Variants in RGS5 observed in about 807,000 individuals in gnomAD.
The protein encoded by RGS5 is regulator of G-protein signalling 5.
In RGS5, 20 loss-of-function variants were observed where a neutral mutation model predicts 18.9. The ratio of observed to expected loss-of-function variants is 1.06; its 90% CI spans 0.74 to 1.54. RGS5 has a LOEUF of 1.54. Among genes scored for constraint, RGS5 ranks in the 40% most tolerant of loss-of-function variants. The probability of loss-of-function intolerance (pLI) is 0.00; values close to 1 mark genes in which losing one functional copy is unlikely to be tolerated. For synonymous variants in RGS5, 57 were observed against 76.2 expected (o/e 0.75, Z 1.31); for missense variants, 201 against 211.8 (o/e 0.95, Z 0.32).
chr1:163,203,031 C>A (rs369973091), upstream of RGS5: 15 of 555,160 alleles, frequency 2.7e-5, no homozygotes, highest in African/African-American at 2.5e-4. Context: ...CAGCAGTGGG[C>A]CCTGAGGTGG....
chr1:163,159,324 A>C (rs927506147), intron 3 of RGS5, among the ~76,000 whole-genome samples: 5 of 152,224 alleles, frequency 3.3e-5, no homozygotes, highest in Non-Finnish European at 7.3e-5. Context: ...GGGAAGTGAT[A>C]AGTGTCCATG....
At chr1:163,256,069 C>T (rs1045741928) in intron 2 of RGS5, among the ~76,000 whole-genome samples, 4 of 152,170 alleles carry the variant, frequency 2.6e-5, no homozygotes, top group Admixed American at 2.6e-4. Flanking sequence ...GATGCCCTCT[C>T]TCACCACTCC....
At chr1:163,158,764 G>T (rs1657685435) in intron 3 of RGS5, among the ~76,000 whole-genome samples, 1 of 152,142 alleles carries the variant, frequency 6.6e-6, no homozygotes, top group African/African-American at 2.4e-5. Context: ...GAAGTTTCGG[G>T]CACGCATTGT....
At chr1:163,184,903 C>A (rs967455651) in intron 1 of RGS5, among the ~76,000 whole-genome samples, 3 of 152,176 alleles carry the variant, frequency 2.0e-5, no homozygotes, top group Non-Finnish European at 4.4e-5. Context: ...AGTGACTAAG[C>A]TTGTGGCAAC....
At chr1:163,253,467 C>G (rs1021401165) in intron 2 of RGS5, among the ~76,000 whole-genome samples, 6 of 143,256 alleles carry the variant, frequency 4.2e-5, no homozygotes, top group African/African-American at 1.5e-4. Flanking sequence ...CGCCACCATG[C>G]CCAACTTTTT....
At chr1:163,234,215 C>T (rs1457400093) in intron 2 of RGS5, among the ~76,000 whole-genome samples, 1 of 152,140 alleles carries the variant, frequency 6.6e-6, no homozygotes, top group African/African-American at 2.4e-5. Context: ...ATGTTCTTTA[C>T]CAGATAAAAT....
At chr1:163,193,271 A>G (rs1659430175) in intron 1 of RGS5, among the ~76,000 whole-genome samples, 2 of 152,196 alleles carry the variant, frequency 1.3e-5, no homozygotes, top group South Asian at 4.1e-4. Flanking sequence ...GAGAATATAG[A>G]ATAAAGGTCT....
At chr1:163,190,505 A>T (rs1376162427) in intron 1 of RGS5, among the ~76,000 whole-genome samples, 1 of 151,716 alleles carries the variant, frequency 6.6e-6, no homozygotes, top group Non-Finnish European at 1.5e-5. Flanking sequence ...GGAGAATGCA[A>T]GGAGAAGATA....
chr1:163,256,112 G>A (rs1382655672), intron 2 of RGS5, among the ~76,000 whole-genome samples: 1 of 152,304 alleles, frequency 6.6e-6, no homozygotes, highest in East Asian at 1.9e-4. Context: ...TCTGGTCAGG[G>A]CAGTTAGGCA....
At chr1:163,305,824 A>G (rs1465738209) in intron 2 of RGS5, among the ~76,000 whole-genome samples, 2 of 152,146 alleles carry the variant, frequency 1.3e-5, no homozygotes, top group Non-Finnish European at 2.9e-5. Context: ...CTATCCTCTT[A>G]GCCAACTGTT....
chr1:163,253,346 T>C (rs959111032), intron 2 of RGS5, among the ~76,000 whole-genome samples: 6 of 152,148 alleles, frequency 3.9e-5, no homozygotes, highest in Non-Finnish European at 8.8e-5. Context: ...TCTCACTCTG[T>C]TGCCCAGGCT....
chr1:163,192,133 G>A (rs1204052570), intron 1 of RGS5, among the ~76,000 whole-genome samples: 1 of 152,158 alleles, frequency 6.6e-6, no homozygotes, highest in Non-Finnish European at 1.5e-5. Flanking sequence ...ATCAGTAAAA[G>A]TAAAAATGTT....
At chr1:163,174,253 T>C (rs1053614839) in intron 1 of RGS5, among the ~76,000 whole-genome samples, 11 of 152,220 alleles carry the variant, frequency 7.2e-5, no homozygotes, top group African/African-American at 2.7e-4. Context: ...CATATGTATA[T>C]GTATATGCGA....
At chr1:163,195,034 TC>T (rs1659508329) in intron 1 of RGS5, among the ~76,000 whole-genome samples, 1 of 152,142 alleles carries the variant, frequency 6.6e-6, no homozygotes, top group African/African-American at 2.4e-5. Flanking sequence ...GTATAGGGAT[TC>T]CTTAAAGAAC....
chr1:163,242,741 C>T lies in RGS5; in HGVS notation c.-281+63492G>A, dbSNP rs115760471. Among the ~76,000 whole-genome samples, 1,133 of 152,186 alleles carry T rather than the reference C, an allele frequency of 7.4e-3. 16 individuals are homozygous for T. The highest frequency in any genetic ancestry group is 0.026 in the African/African-American group (1,062 of 41,520). On this transcript the variant is annotated intron_variant, in intron 2 of 5. Transcript: ENST00000618415. ...GGGAAGATGTGATGAAATATAGGAT[C>T]GGAAAGTTCAGCAGGGGAAATGTTG... is the stretch of plus-strand genomic sequence containing the variant.
At chr1:163,232,911 T>C (rs535551618) in intron 2 of RGS5, among the ~76,000 whole-genome samples, 43 of 152,326 alleles carry the variant, frequency 2.8e-4, no homozygotes, top group Admixed American at 7.8e-4. Flanking sequence ...TGATCACATT[T>C]AGAAAATTTA....
chr1:163,311,302 C>A (rs191927034), intron 1 of RGS5, among the ~76,000 whole-genome samples: 55 of 152,288 alleles, frequency 3.6e-4, no homozygotes, highest in African/African-American at 1.3e-3. Context: ...CCAGACCACT[C>A]AAACTTTCTC....
intron 2 of RGS5, among the ~76,000 whole-genome samples, chr1:163,282,045 GCGCACA>G (rs1191702050): frequency 2.1e-5 from 3 of 143,882 alleles, no homozygotes; most frequent in African/African-American, 2.5e-5. Flanking sequence ...GTGCACGCGC[GCGCACA>G]CACACACACA....
At chr1:163,160,358 A>C (rs1657752864) in intron 3 of RGS5, among the ~76,000 whole-genome samples, 1 of 152,212 alleles carries the variant, frequency 6.6e-6, no homozygotes, top group South Asian at 2.1e-4. Context: ...CCACTAAGGC[A>C]AGACAATAAG....
Sources: allele counts gnomAD v4.1 joint callset (sites outside exome capture counted in the v4.1 genomes callset), GRCh38; gene constraint gnomAD v4.1.1; transcripts MANE v1.5; gene names NCBI Gene and HGNC (gene_info 2026-07-23, HGNC 2026-07-21).